The following MARCHF4 variants were observed in gnomAD, a reference collection of about 807,000 sequenced individuals.
MARCHF4 encodes membrane associated ring-CH-type finger 4.
In MARCHF4, 14 loss-of-function variants were observed where a neutral mutation model predicts 43.9. That is an observed-to-expected ratio of 0.32 (90% CI 0.21 to 0.50). The LOEUF is 0.50. MARCHF4 is among the 20% of genes least tolerant of loss of function. The pLI is 0.98. For synonymous variants in MARCHF4, 226 were observed against 213.3 expected (o/e 1.06, Z -0.52); for missense variants, 468 against 536.7 (o/e 0.87, Z 1.27).
intron 3 of MARCHF4, among the ~76,000 whole-genome samples, chr2:216,276,769 G>A (rs1441718398): frequency 6.6e-6 from 1 of 152,158 alleles, no homozygotes; most frequent in African/African-American, 2.4e-5. Flanking sequence ...GAGAGTTCTA[G>A]GGTGGGATGT....
intron 1 of MARCHF4, among the ~76,000 whole-genome samples, chr2:216,340,682 T>C (rs1310408823): frequency 6.6e-6 from 1 of 152,038 alleles, no homozygotes; most frequent in Admixed American, 6.5e-5. Flanking sequence ...AAGGAAGTGG[T>C]CCCTACCCTT....
Position 216,259,647 on chromosome 2 carries a change from G to C in MARCHF4, c.898C>G (p.Arg300Gly). The C allele has an allele frequency of 6.2e-7, 1 of 1,614,146 alleles. No homozygotes were observed. Among genetic ancestry groups the C allele is most frequent in the African/African-American group, 1.3e-5 (1 of 75,038 alleles). ...LIIHEGPSVY[R>G]IFKRWQAVNQ... ...ACAGCCTGCCACCGTTTAAAGATGC[G>C]GTACACCGAGGGTCCTTCATGGATG... is the stretch of plus-strand genomic sequence containing the variant. Residue 300 changes from arginine (R) to glycine (G), a missense_variant, in exon 4 of 4, where the codon CGC becomes GGC. Arg to Gly is a moderately radical substitution (Grantham distance 125, BLOSUM62 -2). Around this residue, in one of 3 missense-constraint regions of MARCHF4, gnomAD observed 158 missense variants for 251.1 expected, o/e 0.63. Coordinates refer to ENST00000273067, the MANE Select transcript of MARCHF4 (RefSeq NM_020814.3).
At chr2:216,331,269 A>C (rs1692078074) in intron 1 of MARCHF4, among the ~76,000 whole-genome samples, 1 of 152,096 alleles carries the variant, frequency 6.6e-6, no homozygotes, top group Non-Finnish European at 1.5e-5. Flanking sequence ...TAAATGGAAA[A>C]CTTTCTAGAA....
intron 3 of MARCHF4, among the ~76,000 whole-genome samples, chr2:216,264,019 G>A (rs2105931549): frequency 6.6e-6 from 1 of 152,212 alleles, no homozygotes; most frequent in East Asian, 1.9e-4. Context: ...AGCCGGCTTG[G>A]AGCAAACAGT....
chr2:216,318,953 A>G (rs1691831950), intron 1 of MARCHF4, among the ~76,000 whole-genome samples: 1 of 152,082 alleles, frequency 6.6e-6, no homozygotes, highest in Admixed American at 6.5e-5. Context: ...TCTTTTTTCA[A>G]AAAAGAAAAG....
intron 1 of MARCHF4, among the ~76,000 whole-genome samples, chr2:216,364,432 C>T (rs953974572): frequency 3.9e-5 from 6 of 152,154 alleles, no homozygotes; most frequent in Admixed American, 3.9e-4. Flanking sequence ...AAGAGAACCC[C>T]TAGCTCTAGA....
intron 1 of MARCHF4, among the ~76,000 whole-genome samples, chr2:216,334,654 G>A (rs1047920883): frequency 2.0e-5 from 3 of 152,184 alleles, no homozygotes; most frequent in Non-Finnish European, 2.9e-5. Context: ...TCCCACCTCA[G>A]CCTCCCAAAG....
intron 1 of MARCHF4, among the ~76,000 whole-genome samples, chr2:216,285,650 G>A (rs1691207724): frequency 6.6e-6 from 1 of 152,196 alleles, no homozygotes; most frequent in South Asian, 2.1e-4. Context: ...GGCTGGAGAT[G>A]CCCACGTTGC....
intron 3 of MARCHF4, among the ~76,000 whole-genome samples, chr2:216,264,712 A>G (rs183368975): frequency 1.1e-3 from 174 of 152,294 alleles, no homozygotes; most frequent in African/African-American, 4.1e-3. Flanking sequence ...TTTGATTCTC[A>G]ATTAGCTTCT....
intron 1 of MARCHF4, among the ~76,000 whole-genome samples, chr2:216,325,203 C>T (rs1383514541): frequency 6.6e-6 from 1 of 152,190 alleles, no homozygotes; most frequent in African/African-American, 2.4e-5. Context: ...CATGAGTGAA[C>T]TCCCATTCAC....
At chr2:216,286,999 A>G (rs1691228156) in intron 1 of MARCHF4, among the ~76,000 whole-genome samples, 2 of 152,210 alleles carry the variant, frequency 1.3e-5, no homozygotes, top group African/African-American at 4.8e-5. Flanking sequence ...TGACTCACTC[A>G]AGGTCACACG....
intron 1 of MARCHF4, among the ~76,000 whole-genome samples, chr2:216,349,217 C>A (rs1692363100): frequency 6.6e-6 from 1 of 152,192 alleles, no homozygotes; most frequent in Non-Finnish European, 1.5e-5. Context: ...GATGTACTAA[C>A]CACAAGATGG....
intron 1 of MARCHF4, among the ~76,000 whole-genome samples, chr2:216,336,542 G>A (rs1341415550): frequency 1.3e-5 from 2 of 151,872 alleles, no homozygotes; most frequent in Admixed American, 6.6e-5. Flanking sequence ...TGAAGAATTG[G>A]CTTTGGCTTG....
chr2:216,366,867 T>C (rs1381009615), intron 1 of MARCHF4, among the ~76,000 whole-genome samples: 1 of 152,190 alleles, frequency 6.6e-6, no homozygotes, highest in African/African-American at 2.4e-5. Flanking sequence ...ATCTCATCTA[T>C]TTTGTTCACT....
intron 1 of MARCHF4, among the ~76,000 whole-genome samples, chr2:216,351,669 T>C (rs895005242): frequency 6.6e-6 from 1 of 152,216 alleles, no homozygotes; most frequent in African/African-American, 2.4e-5. Context: ...GCCTTGTCCG[T>C]TTTGTTTATG....
In MARCHF4 at chr2:216,263,510, AGAGAGAGAG is replaced by A. The variant is rs1559280529; in HGVS notation, c.866-3840_866-3832del. Among the ~76,000 whole-genome samples the A allele has an allele frequency of 1.2e-4, 15 of 127,896 alleles. 1 individual carries two copies. The highest frequency in any genetic ancestry group is 2.0e-4 in the Non-Finnish European group (13 of 63,654). 83.9% of individuals were successfully genotyped at this position (127,896 alleles called of 152,430 possible). A position where few individuals can be genotyped will look rare whatever the true frequency, so the allele number is the denominator to read the frequency against. ...GAGAGAGAAAGAGAGAGAGAGAGAG[AGAGAGAGAG>A]AGAGAGAGAGAGAGAGAGAAAGAGA... On this transcript the variant is annotated intron_variant, in intron 3 of 3. Transcript: ENST00000273067.
At chr2:216,283,109 A>G (rs773063633) in intron 2 of MARCHF4, among the ~76,000 whole-genome samples, 31 of 152,164 alleles carry the variant, frequency 2.0e-4, no homozygotes, top group Admixed American at 6.5e-4. Context: ...TTACCAGCCC[A>G]TAGCTTGATC....
At chr2:216,314,404 A>T (rs1691739113) in intron 1 of MARCHF4, among the ~76,000 whole-genome samples, 1 of 151,608 alleles carries the variant, frequency 6.6e-6, no homozygotes, top group Non-Finnish European at 1.5e-5. Context: ...GCTAACTGCA[A>T]CCTCTGCCTC....
chr2:216,287,390 A>T (rs1398794670), intron 1 of MARCHF4, among the ~76,000 whole-genome samples: 1 of 151,766 alleles, frequency 6.6e-6, no homozygotes, highest in African/African-American at 2.4e-5. Context: ...AGCTCAGCAA[A>T]CTCCACAGAT....
Sources: gnomAD v4.1 joint callset for allele counts (sites outside exome capture counted in the v4.1 genomes callset) on GRCh38, gnomAD v4.1.1 for gene constraint, gnomAD v4.1.1 regional missense constraint, MANE v1.5 for transcripts, NCBI Gene and HGNC (gene_info 2026-07-23, HGNC 2026-07-21) for gene names.